Variants in SUPT3H observed in about 807,000 individuals in gnomAD.
SUPT3H encodes transcription initiation protein SPT3 homolog.
SUPT3H carries 44 observed loss-of-function variants against 44.3 expected under a neutral mutation model. That is an observed-to-expected ratio of 0.99 (90% CI 0.78 to 1.28). The LOEUF (loss-of-function observed/expected upper bound fraction) is 1.28, where lower values mean the gene tolerates loss of function less well. SUPT3H is among the 50% of genes most tolerant of loss of function. SUPT3H has a pLI of 0.00. For synonymous variants in SUPT3H, 124 were observed against 125.6 expected (o/e 0.99, Z 0.09); for missense variants, 380 against 387.1 (o/e 0.98, Z 0.15).
intron 10 of SUPT3H, among the ~76,000 whole-genome samples, chr6:44,886,907 A>G (rs1762391606): frequency 6.6e-6 from 1 of 152,222 alleles, no homozygotes; most frequent in Non-Finnish European, 1.5e-5. Context: ...AGCTCAAAAT[A>G]AAAGGATGGA....
intron 10 of SUPT3H, among the ~76,000 whole-genome samples, chr6:44,886,033 G>A (rs1310091278): frequency 6.6e-6 from 1 of 152,096 alleles, no homozygotes; most frequent in Non-Finnish European, 1.5e-5. Context: ...AAGATGAAAT[G>A]AATGAAATGA....
chr6:45,331,813 A>G (rs1787571921), intron 2 of SUPT3H, among the ~76,000 whole-genome samples: 1 of 152,006 alleles, frequency 6.6e-6, no homozygotes, highest in Non-Finnish European at 1.5e-5. Flanking sequence ...ATCTTAAAAG[A>G]ACAAAATATT....
At chr6:45,121,922 C>T (rs944028598) in intron 2 of SUPT3H, among the ~76,000 whole-genome samples, 2 of 151,888 alleles carry the variant, frequency 1.3e-5, no homozygotes, top group South Asian at 2.1e-4. Context: ...ATGATCCACC[C>T]GCCTCAGCCT....
intron 1 of SUPT3H, among the ~76,000 whole-genome samples, chr6:45,375,549 A>T (rs1424029697): frequency 6.8e-6 from 1 of 147,940 alleles, no homozygotes. Context: ...CAAGAGCATC[A>T]TTTTTTTTTT....
At chr6:45,139,020 GA>G (rs1804756734) in intron 2 of SUPT3H, among the ~76,000 whole-genome samples, 1 of 151,982 alleles carries the variant, frequency 6.6e-6, no homozygotes, top group African/African-American at 2.4e-5. Context: ...AATTGTAGAA[GA>G]AAAAAATTCC....
At chr6:45,097,735 T>C (rs1370380599) in intron 3 of SUPT3H, 1 of 152,218 alleles carries the variant, frequency 6.6e-6, no homozygotes, top group Admixed American at 6.5e-5. Flanking sequence ...CTATCTCTAA[T>C]GATAAAAATA....
intron 3 of SUPT3H, among the ~76,000 whole-genome samples, chr6:45,061,054 A>G (rs532327381): frequency 1.3e-5 from 2 of 152,272 alleles, no homozygotes; most frequent in South Asian, 4.1e-4. Flanking sequence ...CTCAAAGATC[A>G]AGAAGCAGAA....
At chr6:45,281,202 G>A (rs1777989000) in intron 2 of SUPT3H, among the ~76,000 whole-genome samples, 1 of 152,178 alleles carries the variant, frequency 6.6e-6, no homozygotes, top group African/African-American at 2.4e-5. Flanking sequence ...ATTTCCAACT[G>A]AGGTACCGGT....
At chr6:44,824,024 T>C (rs182470458), downstream of SUPT3H, among the ~76,000 whole-genome samples, 100 of 152,336 alleles carry the variant, frequency 6.6e-4, no homozygotes, top group African/African-American at 2.2e-3. Context: ...GGCTCCTCCA[T>C]GACATGGTAA....
chr6:44,950,055 G>T (rs191857434), intron 9 of SUPT3H, among the ~76,000 whole-genome samples: 8 of 152,330 alleles, frequency 5.3e-5, no homozygotes, highest in African/African-American at 1.9e-4. Flanking sequence ...ACATGAGAAT[G>T]CATAAACTGA....
At chr6:45,283,258 G>T (rs1006725805) in intron 2 of SUPT3H, among the ~76,000 whole-genome samples, 1 of 152,060 alleles carries the variant, frequency 6.6e-6, no homozygotes, top group Non-Finnish European at 1.5e-5. Context: ...ATGTAAATGG[G>T]CTAAAGGCTC....
intron 2 of SUPT3H, among the ~76,000 whole-genome samples, chr6:45,256,873 A>T (rs1449461786): frequency 6.6e-6 from 1 of 152,160 alleles, no homozygotes; most frequent in East Asian, 1.9e-4. Context: ...CCTTTTGGCT[A>T]TTATGAATAA....
chr6:45,003,542 C>T, intron 6 of SUPT3H, 111 bp downstream of exon 6: 1 of 1,300,556 alleles, frequency 7.7e-7, no homozygotes, highest in Non-Finnish European at 1.0e-6. Flanking sequence ...GACATAAAAC[C>T]ACTGACTTAG....
chr6:45,337,569 G>C (rs1004659811), intron 2 of SUPT3H, among the ~76,000 whole-genome samples: 1 of 151,736 alleles, frequency 6.6e-6, no homozygotes, highest in Non-Finnish European at 1.5e-5. Context: ...AGAAACTCAA[G>C]GGTACCTAAA....
chr6:45,127,192 T>C (rs1157736938), intron 2 of SUPT3H, among the ~76,000 whole-genome samples: 1 of 152,120 alleles, frequency 6.6e-6, no homozygotes, highest in African/African-American at 2.4e-5. Context: ...CGTGTGTCTG[T>C]AATCCTAGCT....
At chr6:45,044,957 G>A (rs1446533069) in intron 3 of SUPT3H, among the ~76,000 whole-genome samples, 1 of 152,094 alleles carries the variant, frequency 6.6e-6, no homozygotes, top group African/African-American at 2.4e-5. Context: ...CATATAAATA[G>A]TTTGACATCT....
chr6:44,882,799 A>G (rs1561952643), intron 10 of SUPT3H, among the ~76,000 whole-genome samples: 1 of 152,210 alleles, frequency 6.6e-6, no homozygotes, highest in East Asian at 1.9e-4. Context: ...TGATCATCTC[A>G]ATAGATGCAG....
chr6:44,969,940 A>G (rs1777331205), intron 6 of SUPT3H, among the ~76,000 whole-genome samples: 1 of 152,204 alleles, frequency 6.6e-6, no homozygotes, highest in Non-Finnish European at 1.5e-5. Context: ...CAAAGGATTT[A>G]AAAGAAATTT....
At chr6:45,199,675 T>C (rs1336242443) in intron 2 of SUPT3H, among the ~76,000 whole-genome samples, 2 of 151,404 alleles carry the variant, frequency 1.3e-5, no homozygotes, top group Non-Finnish European at 3.0e-5. Flanking sequence ...TTTTTCACAT[T>C]ACTTGAAACC....
Sources: allele counts gnomAD v4.1 joint callset (sites outside exome capture counted in the v4.1 genomes callset), GRCh38; gene constraint gnomAD v4.1.1; transcripts MANE v1.5; gene names NCBI Gene and HGNC (gene_info 2026-07-23, HGNC 2026-07-21).